The following LRFN5 variants were observed in gnomAD, a reference collection of about 807,000 sequenced individuals.
LRFN5 encodes leucine-rich repeat and fibronectin type-III domain-containing protein 5.
In LRFN5, 24 loss-of-function variants were observed where a neutral mutation model predicts 45.6. That is an observed-to-expected ratio of 0.53 (90% CI 0.38 to 0.74). The LOEUF is 0.74. Ranked by LOEUF, LRFN5 falls within the 30% of genes least tolerant of loss-of-function variation. The probability of loss-of-function intolerance (pLI) is 0.00; values close to 1 mark genes in which losing one functional copy is unlikely to be tolerated. For missense variants in LRFN5, 776 were observed against 861.5 expected (o/e 0.90, Z 1.24); for synonymous variants, 340 against 313.8 (o/e 1.08, Z -0.88).
At chr14:41,728,485 A>G (rs1297108520) in intron 1 of LRFN5, among the ~76,000 whole-genome samples, 1 of 152,188 alleles carries the variant, frequency 6.6e-6, no homozygotes, top group Non-Finnish European at 1.5e-5. Context: ...CAAGTATGAA[A>G]AATAAAGCAA....
chr14:41,710,824 G>A (rs1883252961), intron 1 of LRFN5, among the ~76,000 whole-genome samples: 1 of 151,842 alleles, frequency 6.6e-6, no homozygotes, highest in South Asian at 2.1e-4. Context: ...CTGTGTCCAT[G>A]TGTTCTCATT....
intron 2 of LRFN5, among the ~76,000 whole-genome samples, chr14:41,782,212 T>C (rs1052546211): frequency 3.9e-5 from 6 of 151,936 alleles, no homozygotes; most frequent in African/African-American, 9.7e-5. Flanking sequence ...TCCGTTTCTT[T>C]TTATTATTTT....
intron 2 of LRFN5, among the ~76,000 whole-genome samples, chr14:41,836,454 G>A (rs1888665768): frequency 6.6e-6 from 1 of 152,104 alleles, no homozygotes; most frequent in African/African-American, 2.4e-5. Flanking sequence ...TATAATATAT[G>A]CATGTGTACT....
chr14:41,663,532 G>A (rs1880754584), intron 1 of LRFN5, among the ~76,000 whole-genome samples: 1 of 151,790 alleles, frequency 6.6e-6, no homozygotes, highest in East Asian at 1.9e-4. Context: ...TGCCTACCAA[G>A]ATTTAGTTAT....
chr14:41,734,678 G>A (rs1170077393), intron 1 of LRFN5, among the ~76,000 whole-genome samples: 1 of 151,198 alleles, frequency 6.6e-6, no homozygotes, highest in Non-Finnish European at 1.5e-5. Context: ...AATTGCTGAT[G>A]GGTAAGAACT....
At chr14:41,831,260 T>A (rs1888468591) in intron 2 of LRFN5, among the ~76,000 whole-genome samples, 1 of 152,214 alleles carries the variant, frequency 6.6e-6, no homozygotes, top group Non-Finnish European at 1.5e-5. Flanking sequence ...CATTCTTCTT[T>A]GATAGCTTGT....
chr14:41,685,909 A>T (rs1319130998), intron 1 of LRFN5, among the ~76,000 whole-genome samples: 2 of 152,146 alleles, frequency 1.3e-5, no homozygotes, highest in African/African-American at 4.8e-5. Flanking sequence ...TGATGCGTCC[A>T]GTTTTGTTCT....
chr14:41,792,057 A>G (rs1029741528), intron 2 of LRFN5, among the ~76,000 whole-genome samples: 14 of 152,052 alleles, frequency 9.2e-5, no homozygotes, highest in African/African-American at 3.4e-4. Context: ...TCTAAGAAAT[A>G]AAGAGAAAGA....
At chr14:41,678,176 A>G (rs1008856623) in intron 1 of LRFN5, among the ~76,000 whole-genome samples, 1 of 152,086 alleles carries the variant, frequency 6.6e-6, no homozygotes, top group Non-Finnish European at 1.5e-5. Flanking sequence ...ACACTTAAGA[A>G]TGTTATTAGA....
At chr14:41,740,125 A>G (rs866304269) in intron 1 of LRFN5, among the ~76,000 whole-genome samples, 9 of 152,094 alleles carry the variant, frequency 5.9e-5, no homozygotes, top group Non-Finnish European at 1.3e-4. Context: ...CATTTAAATA[A>G]CTAATATCAG....
chr14:41,694,724 C>T (rs969021835), intron 1 of LRFN5, among the ~76,000 whole-genome samples: 6 of 151,786 alleles, frequency 4.0e-5, no homozygotes, highest in Non-Finnish European at 8.8e-5. Flanking sequence ...TTTGGTAATT[C>T]ATACAATATT....
At chr14:41,798,905 A>G (rs767919489) in intron 2 of LRFN5, among the ~76,000 whole-genome samples, 2 of 151,736 alleles carry the variant, frequency 1.3e-5, no homozygotes, top group Non-Finnish European at 2.9e-5. Flanking sequence ...TGTTATATTA[A>G]TTTATCTCTC....
At chr14:41,711,783 T>C (rs1347131054) in intron 1 of LRFN5, among the ~76,000 whole-genome samples, 2 of 152,094 alleles carry the variant, frequency 1.3e-5, no homozygotes, top group African/African-American at 4.8e-5. Context: ...AATAAGACAA[T>C]ACAACCAAGA....
Position 41,613,224 on chromosome 14 carries a change from C to T in LRFN5, c.-197+4662C>T, listed in dbSNP as rs113392892. Among the ~76,000 whole-genome samples the T allele has an allele frequency of 6.4e-3, 966 of 152,066 alleles. 16 individuals are homozygous for T. Among genetic ancestry groups the T allele is most frequent in the African/African-American group, 0.023 (940 of 41,532 alleles). On this transcript the variant is annotated intron_variant, in intron 1 of 5. Transcript: ENST00000298119. Reference sequence around the variant, plus strand: ...GTCATATTGGCAGGAAAATGTCAACCGACAAGTTTTGCTCTTCTTAGAAAA... The same window carrying T: ...GTCATATTGGCAGGAAAATGTCAACTGACAAGTTTTGCTCTTCTTAGAAAA...
chr14:41,759,514 A>G (rs986984434), intron 1 of LRFN5, among the ~76,000 whole-genome samples: 2 of 150,712 alleles, frequency 1.3e-5, no homozygotes, highest in African/African-American at 4.9e-5. Context: ...GAGCACCAGA[A>G]AACAGCATTT....
intron 2 of LRFN5, among the ~76,000 whole-genome samples, chr14:41,865,379 A>G (rs1566491889): frequency 6.6e-6 from 1 of 152,146 alleles, no homozygotes; most frequent in Admixed American, 6.6e-5. Flanking sequence ...AGGTTCATTT[A>G]TGGTATTGCG....
At chr14:41,849,700 C>T (rs905638424) in intron 2 of LRFN5, among the ~76,000 whole-genome samples, 2 of 151,984 alleles carry the variant, frequency 1.3e-5, no homozygotes, top group Non-Finnish European at 2.9e-5. Flanking sequence ...GGGTGGTTTA[C>T]TGCATGCATG....
chr14:41,735,568 G>A (rs1884392445), intron 1 of LRFN5, among the ~76,000 whole-genome samples: 1 of 151,922 alleles, frequency 6.6e-6, no homozygotes, highest in South Asian at 2.1e-4. Flanking sequence ...CAATGCACCT[G>A]GCCACACTCC....
intron 2 of LRFN5, among the ~76,000 whole-genome samples, chr14:41,877,686 A>G (rs1890234995): frequency 6.6e-6 from 1 of 152,022 alleles, no homozygotes; most frequent in Non-Finnish European, 1.5e-5. Flanking sequence ...TACTATATTA[A>G]GAACTCAGAA....
Sources: gnomAD v4.1 joint callset for allele counts (sites outside exome capture counted in the v4.1 genomes callset) on GRCh38, gnomAD v4.1.1 for gene constraint, MANE v1.5 for transcripts, NCBI Gene and HGNC (gene_info 2026-07-23, HGNC 2026-07-21) for gene names.